The following TTC28 variants were observed in gnomAD, a reference collection of about 807,000 sequenced individuals.
The protein encoded by TTC28 is tetratricopeptide repeat protein 28.
In TTC28, 61 loss-of-function variants were observed where a neutral mutation model predicts 198.0. The observed-to-expected ratio is 0.31, with a 90% CI of 0.25 to 0.38. The LOEUF is 0.38. Among genes scored for constraint, TTC28 ranks in the 10% least tolerant of loss-of-function variants. The pLI is 1.00. For synonymous variants in TTC28, 1,171 were observed against 1,297.8 expected (o/e 0.90, Z 2.10); for missense variants, 2,678 against 3,164.0 (o/e 0.85, Z 3.69).
At chr22:28,022,380 T>C (rs1312513710) in intron 13 of TTC28, among the ~76,000 whole-genome samples, 1 of 152,252 alleles carries the variant, frequency 6.6e-6, no homozygotes, top group Admixed American at 6.5e-5. Flanking sequence ...TCTCTTCTGA[T>C]CAGACACATG....
intron 3 of TTC28, among the ~76,000 whole-genome samples, chr22:28,305,854 C>G (rs1470216224): frequency 6.6e-6 from 1 of 152,170 alleles, no homozygotes; most frequent in African/African-American, 2.4e-5. Context: ...AGAACTCCTC[C>G]AACCTCTACA....
Position 28,165,099 on chromosome 22 carries a change from G to C in TTC28, c.934-1500C>G, listed in dbSNP as rs540263998. On this transcript the variant is annotated intron_variant, in intron 5 of 22. Transcript: ENST00000397906. ...ATCAGTGATGGAAGACGAAATGAAT[G>C]AAATGAAGTGAGAAGAGAAGTTTAG... Among the ~76,000 whole-genome samples the C allele has an allele frequency of 3.4e-3, 513 of 152,292 alleles. 3 individuals carry two copies. The highest frequency in any genetic ancestry group is 0.012 in the African/African-American group (478 of 41,564).
chr22:28,449,872 C>T (rs1184506075), intron 2 of TTC28, among the ~76,000 whole-genome samples: 2 of 152,068 alleles, frequency 1.3e-5, no homozygotes, highest in African/African-American at 4.8e-5. Flanking sequence ...CAAACAGGTC[C>T]TAAGAGCCTG....
intron 5 of TTC28, among the ~76,000 whole-genome samples, chr22:28,286,022 C>T (rs2044679750): frequency 6.7e-6 from 1 of 150,284 alleles, no homozygotes. Context: ...TTTTTTGAGA[C>T]AGAATCTCAC....
At chr22:28,185,170 CTT>C (rs1405047996) in intron 5 of TTC28, among the ~76,000 whole-genome samples, 2 of 152,164 alleles carry the variant, frequency 1.3e-5, no homozygotes, top group South Asian at 2.1e-4. Flanking sequence ...AAAATTCACT[CTT>C]GTTTATTTTT....
chr22:28,051,430 T>C (rs1940082701), intron 12 of TTC28, among the ~76,000 whole-genome samples: 1 of 152,244 alleles, frequency 6.6e-6, no homozygotes, highest in Non-Finnish European at 1.5e-5. Context: ...ATTTCCTTTG[T>C]TAATATCAAA....
chr22:28,247,979 TC>T (rs1308901693), intron 5 of TTC28, among the ~76,000 whole-genome samples: 1 of 152,190 alleles, frequency 6.6e-6, no homozygotes, highest in Non-Finnish European at 1.5e-5. Flanking sequence ...GTAAACCCCT[TC>T]TTTGCAAATG....
intron 12 of TTC28, among the ~76,000 whole-genome samples, chr22:28,052,929 T>C (rs1940141373): frequency 6.6e-6 from 1 of 152,246 alleles, no homozygotes; most frequent in South Asian, 2.1e-4. Context: ...AAATATATTA[T>C]ATGTCCTGTG....
chr22:28,015,419 T>TAA (rs138678), intron 13 of TTC28, among the ~76,000 whole-genome samples: 1,142 of 109,620 alleles, frequency 0.01, 15 homozygotes, highest in African/African-American at 0.033. Context: ...GAGATAGCTT[T>TAA]AAAAAAAAAA....
At chr22:28,371,197 T>C (rs1471738287) in intron 2 of TTC28, among the ~76,000 whole-genome samples, 1 of 152,016 alleles carries the variant, frequency 6.6e-6, no homozygotes, top group East Asian at 1.9e-4. Flanking sequence ...ACCATTTGTT[T>C]CCATACAAAT....
intron 2 of TTC28, among the ~76,000 whole-genome samples, chr22:28,471,930 A>C (rs988697073): frequency 6.6e-5 from 10 of 152,120 alleles, no homozygotes; most frequent in Admixed American, 5.9e-4. Flanking sequence ...AAGCCAGAGA[A>C]TATCTTTGAG....
At chr22:28,135,417 C>T (rs897022643) in intron 6 of TTC28, among the ~76,000 whole-genome samples, 19 of 152,156 alleles carry the variant, frequency 1.2e-4, no homozygotes, top group Non-Finnish European at 5.9e-5. Context: ...ATGACTTACA[C>T]ATAGCTTTGA....
intron 1 of TTC28, among the ~76,000 whole-genome samples, chr22:28,631,383 G>A (rs992062486): frequency 6.6e-6 from 1 of 152,142 alleles, no homozygotes; most frequent in African/African-American, 2.4e-5. Flanking sequence ...AAACTATTCA[G>A]CTGTAACTAT....
At chr22:28,521,867 C>G (rs750405162) in intron 2 of TTC28, among the ~76,000 whole-genome samples, 1 of 152,102 alleles carries the variant, frequency 6.6e-6, no homozygotes, top group Non-Finnish European at 1.5e-5. Flanking sequence ...AATTCAGAAC[C>G]CATTAGGGCT....
At chr22:28,233,402 C>A (rs1384202395) in intron 5 of TTC28, among the ~76,000 whole-genome samples, 1 of 152,098 alleles carries the variant, frequency 6.6e-6, no homozygotes, top group East Asian at 1.9e-4. Context: ...CTATACCTCA[C>A]AAAATGTACA....
chr22:27,994,870 G>A (rs968304900), intron 17 of TTC28, among the ~76,000 whole-genome samples: 3 of 152,226 alleles, frequency 2.0e-5, no homozygotes, highest in East Asian at 1.9e-4. Context: ...GAGGGACTTC[G>A]GGGGTGACGG....
intron 2 of TTC28, among the ~76,000 whole-genome samples, chr22:28,355,553 GATT>G (rs372532494): frequency 7.2e-5 from 11 of 152,306 alleles, no homozygotes; most frequent in African/African-American, 2.4e-4. Flanking sequence ...GTGAGGTAGA[GATT>G]ATTATCCATT....
intron 5 of TTC28, among the ~76,000 whole-genome samples, chr22:28,207,884 G>T (rs1926569055): frequency 6.6e-6 from 1 of 152,100 alleles, no homozygotes; most frequent in African/African-American, 2.4e-5. Flanking sequence ...ATCCTAAAAA[G>T]GGTGTGGAGT....
At chr22:28,271,635 C>T (rs530756952) in intron 5 of TTC28, among the ~76,000 whole-genome samples, 3 of 152,072 alleles carry the variant, frequency 2.0e-5, no homozygotes, top group Non-Finnish European at 2.9e-5. Context: ...AGACGAGTCT[C>T]GCCTTGTCGC....
Sources: gnomAD v4.1 joint callset for allele counts (sites outside exome capture counted in the v4.1 genomes callset) on GRCh38, gnomAD v4.1.1 for gene constraint, MANE v1.5 for transcripts, NCBI Gene and HGNC (gene_info 2026-07-23, HGNC 2026-07-21) for gene names.